The following TSPAN18 variants were observed in gnomAD, a reference collection of about 807,000 sequenced individuals.
The protein encoded by TSPAN18 is tetraspanin 18, also known as tetraspanin-18.
Under a neutral mutation model 27.3 loss-of-function variants are expected in TSPAN18, and 14 were observed. The ratio of observed to expected loss-of-function variants is 0.51; its 90% confidence interval spans 0.34 to 0.80. The LOEUF (loss-of-function observed/expected upper bound fraction) is 0.80, where lower values mean the gene tolerates loss of function less well. Among genes scored for constraint, TSPAN18 ranks in the 30% least tolerant of loss-of-function variants. The pLI is 0.01. For missense variants in TSPAN18, 268 were observed against 323.9 expected, an observed-to-expected ratio of 0.83 and a Z score of 1.32; for synonymous variants, 143 against 136.5, an observed-to-expected ratio of 1.05 and a Z score of -0.33.
intron 2 of TSPAN18, among the ~76,000 whole-genome samples, chr11:44,818,516 G>A (rs998308850): frequency 6.6e-6 from 1 of 152,192 alleles, no homozygotes; most frequent in African/African-American, 2.4e-5. Context: ...AGGTGGCCCA[G>A]CGTCCTGCAT....
intron 3 of TSPAN18, among the ~76,000 whole-genome samples, chr11:44,896,316 T>C (rs895614974): frequency 2.0e-5 from 3 of 152,190 alleles, no homozygotes; most frequent in African/African-American, 7.2e-5. Context: ...TCCAGCCCCA[T>C]CACTTACCAA....
intron 2 of TSPAN18, among the ~76,000 whole-genome samples, chr11:44,811,125 A>AACACACACACACAC (rs61153202): frequency 1.1e-3 from 151 of 142,562 alleles, no homozygotes; most frequent in Admixed American, 2.3e-3. Context: ...CTGGAGTTTT[A>AACACACACACACAC]ACACACACAC....
intron 2 of TSPAN18, among the ~76,000 whole-genome samples, chr11:44,831,796 C>T (rs1007372422): frequency 6.6e-6 from 1 of 152,042 alleles, no homozygotes; most frequent in Admixed American, 6.6e-5. Flanking sequence ...GTGGTTAGGC[C>T]GAGAAGGCAG....
At position 44,804,114 on chromosome 11, in the gene TSPAN18, C is replaced by G. The variant is rs1307425622; in HGVS notation, c.-153+39602C>G. Among the ~76,000 whole-genome samples the G allele has an allele frequency of 1.0e-4, 15 of 148,536 alleles. 1 individual carries two copies. The highest frequency in any genetic ancestry group is 8.0e-4 in the Admixed American group (12 of 14,972). On this transcript the variant is annotated intron_variant, in intron 2 of 9. Coordinates refer to ENST00000520358, the MANE Select transcript of TSPAN18 (RefSeq NM_130783.5). ...AATTTCTTTTTTTTCTTTTTTTTTTCCCCCCAGAGACAGAGTCTCGCTCTG... is the reference window on the plus strand; with the variant it reads ...AATTTCTTTTTTTTCTTTTTTTTTTGCCCCCAGAGACAGAGTCTCGCTCTG...
At chr11:44,915,295 G>A (rs1268266042) in intron 5 of TSPAN18, among the ~76,000 whole-genome samples, 6 of 152,246 alleles carry the variant, frequency 3.9e-5, no homozygotes, top group East Asian at 1.9e-4. Context: ...CCCTGCCAGC[G>A]GCCTCCGTCA....
chr11:44,877,344 G>T (rs1178282960), intron 3 of TSPAN18, among the ~76,000 whole-genome samples: 1 of 152,242 alleles, frequency 6.6e-6, no homozygotes, highest in Non-Finnish European at 1.5e-5. Context: ...GGCAGGGGCA[G>T]TGTATGGCCC....
intron 1 of TSPAN18, among the ~76,000 whole-genome samples, chr11:44,752,429 T>A (rs1252887926): frequency 1.3e-5 from 2 of 152,190 alleles, no homozygotes; most frequent in Non-Finnish European, 2.9e-5. Flanking sequence ...TTGCCCAGGC[T>A]GAAGCGCAGT....
intron 2 of TSPAN18, among the ~76,000 whole-genome samples, chr11:44,774,340 A>G (rs865907430): frequency 3.3e-5 from 5 of 152,216 alleles, no homozygotes; most frequent in Admixed American, 1.3e-4. Flanking sequence ...AGACAGGCTC[A>G]TTCCTGCATC....
intron 7 of TSPAN18, 22 bp downstream of exon 7, chr11:44,919,334 C>T: frequency 6.3e-7 from 1 of 1,599,440 alleles, no homozygotes; most frequent in Admixed American, 1.7e-5. Context: ...CCCAGAGATG[C>T]TATGAACATT....
rs553812457 is a variant in TSPAN18, at chr11:44,926,703, C to T, written c.645C>T (p.Phe215=). The change falls in exon 9 of 10, where the codon TTC becomes TTT. Residue 215 remains phenylalanine, a synonymous_variant. Coordinates refer to ENST00000520358, the MANE Select transcript of TSPAN18 (RefSeq NM_130783.5). ...QGCYTVILNT[F]ETYVYLAGAL... Reference sequence around the variant, plus strand: ...GTTACACGGTGATCCTCAACACCTTCGAGACCTACGTCTACTTGGCCGGAG... The same window carrying T: ...GTTACACGGTGATCCTCAACACCTTTGAGACCTACGTCTACTTGGCCGGAG... 2.4e-5 allele frequency: 38 copies of T among 1,614,036 alleles called. No individual in the cohort carries two copies. Among genetic ancestry groups the T allele is most frequent in the Non-Finnish European group, 3.1e-5 (37 of 1,180,010 alleles).
rs1857846213 is a variant in TSPAN18, at chr11:44,860,413, G to A, written c.-67G>A. 1 of 152,196 alleles carries A rather than the reference G, an allele frequency of 6.6e-6. No individual in the cohort carries two copies. Among genetic ancestry groups the A allele is most frequent in the African/African-American group, 2.4e-5 (1 of 41,440 alleles). 9.4% of individuals were successfully genotyped at this position (152,196 alleles called of 1,614,324 possible). On this transcript the variant is annotated 5_prime_UTR_variant, in exon 3 of 10. Coordinates refer to ENST00000520358, the MANE Select transcript of TSPAN18 (RefSeq NM_130783.5). ...AAAGCAACTGGAACCCCTTGAATTT[G>A]ATTTCTGGAGACGCGAGCATAATCC... is the stretch of plus-strand genomic sequence containing the variant.
At chr11:44,846,730 G>A (rs1442566259) in intron 2 of TSPAN18, among the ~76,000 whole-genome samples, 1 of 152,150 alleles carries the variant, frequency 6.6e-6, no homozygotes, top group Admixed American at 6.5e-5. Flanking sequence ...CCTGCCCAGG[G>A]GAAATACAGC....
chr11:44,875,611 A>G (rs1455958164), intron 3 of TSPAN18, among the ~76,000 whole-genome samples: 1 of 152,248 alleles, frequency 6.6e-6, no homozygotes, highest in East Asian at 1.9e-4. Flanking sequence ...GTGCAAAATT[A>G]TCTCATCAAA....
chr11:44,800,149 G>T (rs760126207), intron 2 of TSPAN18, among the ~76,000 whole-genome samples: 1 of 151,776 alleles, frequency 6.6e-6, no homozygotes, highest in Non-Finnish European at 1.5e-5. Context: ...GAGCCACTGC[G>T]CCCAGCCTGG....
chr11:44,870,335 T>G (rs1014082425), intron 3 of TSPAN18, among the ~76,000 whole-genome samples: 5 of 152,324 alleles, frequency 3.3e-5, no homozygotes, highest in Admixed American at 6.5e-5. Flanking sequence ...GTAAATGTAC[T>G]CATACATCAT....
intron 3 of TSPAN18, among the ~76,000 whole-genome samples, chr11:44,863,185 C>T (rs1857942478): frequency 6.6e-6 from 1 of 152,196 alleles, no homozygotes; most frequent in South Asian, 2.1e-4. Context: ...GATGCAAGGC[C>T]TGTGAGCTGT....
At chr11:44,834,575 C>T (rs1323743679) in intron 2 of TSPAN18, among the ~76,000 whole-genome samples, 2 of 152,286 alleles carry the variant, frequency 1.3e-5, no homozygotes, top group East Asian at 1.9e-4. Context: ...CTTCCATTTT[C>T]TCACTTCTCT....
intron 2 of TSPAN18, among the ~76,000 whole-genome samples, chr11:44,847,325 T>C (rs1443996983): frequency 6.6e-6 from 1 of 152,242 alleles, no homozygotes; most frequent in East Asian, 1.9e-4. Flanking sequence ...CCCTCACTTA[T>C]GAGCTCATTG....
chr11:44,901,210 C>G (rs1392191727), intron 3 of TSPAN18: 1 of 152,216 alleles, frequency 6.6e-6, no homozygotes, highest in East Asian at 1.9e-4. Flanking sequence ...TATTTTCCTA[C>G]CTGACTCACC....
Sources: gnomAD v4.1 joint callset for allele counts (sites outside exome capture counted in the v4.1 genomes callset) on GRCh38, gnomAD v4.1.1 for gene constraint, MANE v1.5 for transcripts, NCBI Gene and HGNC (gene_info 2026-07-23, HGNC 2026-07-21) for gene names.